Variants in COL4A2 observed in about 807,000 individuals in gnomAD.
COL4A2 encodes collagen type IV alpha 2 chain, also known as collagen alpha-2(IV) chain.
COL4A2 carries 99 observed loss-of-function variants against 200.2 expected under a neutral mutation model. The ratio of observed to expected loss-of-function variants is 0.49; its 90% CI spans 0.42 to 0.58. COL4A2 has a LOEUF of 0.58. Among genes scored for constraint, COL4A2 ranks in the 20% least tolerant of loss-of-function variants. COL4A2 has a pLI of 0.00. For missense variants in COL4A2, 1,950 were observed against 2,314.1 expected (o/e 0.84, Z 3.23); for synonymous variants, 897 against 900.6 (o/e 1.00, Z 0.07).
intron 3 of COL4A2, among the ~76,000 whole-genome samples, chr13:110,330,643 A>G (rs1875864254): frequency 6.6e-6 from 1 of 152,202 alleles, no homozygotes; most frequent in South Asian, 2.1e-4. Flanking sequence ...TCCTCTTGGA[A>G]ACGCTTCTCC....
chr13:110,491,902 C>T (rs1009936633), intron 37 of COL4A2, among the ~76,000 whole-genome samples, 168 bp from the exon 38 acceptor site: 2 of 152,228 alleles, frequency 1.3e-5, no homozygotes, highest in Admixed American at 6.5e-5. Flanking sequence ...GGTCTAAGAC[C>T]ACCTGCATCC....
chr13:110,323,124 A>C (rs1413997317), intron 3 of COL4A2, among the ~76,000 whole-genome samples: 1 of 152,206 alleles, frequency 6.6e-6, no homozygotes, highest in Non-Finnish European at 1.5e-5. Flanking sequence ...ATTCTATGAA[A>C]ACTTGCAGCT....
intron 16 of COL4A2, among the ~76,000 whole-genome samples, chr13:110,442,977 A>G (rs938641679): frequency 2.0e-4 from 30 of 150,022 alleles, no homozygotes; most frequent in African/African-American, 6.6e-4. Context: ...ATTGTCCTCT[A>G]TGAGGACTGT....
intron 3 of COL4A2, among the ~76,000 whole-genome samples, chr13:110,344,043 A>G (rs1876589807): frequency 1.3e-5 from 2 of 151,704 alleles, no homozygotes; most frequent in South Asian, 4.2e-4. Flanking sequence ...AGTGTAGATA[A>G]TGTGTGAGGT....
At chr13:110,476,937 G>T (rs908653559) in intron 29 of COL4A2, among the ~76,000 whole-genome samples, 2 of 152,206 alleles carry the variant, frequency 1.3e-5, no homozygotes, top group African/African-American at 4.8e-5. Context: ...CATGTGGAAA[G>T]CAAAATTAAA....
intron 4 of COL4A2, among the ~76,000 whole-genome samples, chr13:110,402,741 G>A (rs1020068423): frequency 2.0e-5 from 3 of 152,244 alleles, no homozygotes; most frequent in African/African-American, 4.8e-5. Flanking sequence ...CCACAACACT[G>A]CCCTTGTGGG....
At chr13:110,310,227 G>C (rs1241996355) in intron 3 of COL4A2, among the ~76,000 whole-genome samples, 1 of 152,144 alleles carries the variant, frequency 6.6e-6, no homozygotes, top group Non-Finnish European at 1.5e-5. Context: ...TGATTGCCCA[G>C]CAGAGCTTCT....
intron 17 of COL4A2, among the ~76,000 whole-genome samples, 167 bp downstream of exon 17, chr13:110,446,049 C>T (rs572522515): frequency 1.1e-4 from 17 of 152,290 alleles, no homozygotes; most frequent in African/African-American, 3.4e-4. Context: ...TGGTGACCTA[C>T]GAGCCACGTG....
chr13:110,498,355 G>A (rs894449188), intron 40 of COL4A2, among the ~76,000 whole-genome samples: 1 of 152,198 alleles, frequency 6.6e-6, no homozygotes, highest in Non-Finnish European at 1.5e-5. Flanking sequence ...TCACCTGAAA[G>A]GCATCTGGGA....
intron 4 of COL4A2, among the ~76,000 whole-genome samples, chr13:110,400,067 C>A (rs747329409): frequency 6.6e-6 from 1 of 151,642 alleles, no homozygotes; most frequent in Non-Finnish European, 1.5e-5. Flanking sequence ...GATTCCTGAA[C>A]TTTAACAAAG....
chr13:110,504,251 G>A lies in COL4A2; in HGVS notation c.4389G>A (p.Pro1463=), dbSNP rs902337058. ...AAGGACCCATAGGCCACCAGGGGCC[G>A]ATTGGCCAAGAAGGTGAGTGACAGT... The part of the protein sequence containing the change: ...GDEGPIGHQG[P]IGQEGAPGRP... Residue 1463 remains proline (P), a synonymous_variant, in exon 45 of 48, where the codon CCG becomes CCA. Coordinates refer to ENST00000360467, the MANE Select transcript of COL4A2 (RefSeq NM_001846.4). 3.7e-6 allele frequency: 6 copies of A among 1,613,344 alleles called. No homozygotes were observed. The highest frequency in any genetic ancestry group is 2.2e-5 in the East Asian group (1 of 44,884).
At chr13:110,423,770 A>T (rs1349637908) in intron 4 of COL4A2, among the ~76,000 whole-genome samples, 3 of 151,916 alleles carry the variant, frequency 2.0e-5, no homozygotes, top group African/African-American at 7.3e-5. Context: ...GTCTGTCTCC[A>T]TGGATTTGAG....
intron 4 of COL4A2, among the ~76,000 whole-genome samples, chr13:110,413,870 G>A (rs760223404): frequency 2.6e-5 from 4 of 152,224 alleles, no homozygotes; most frequent in African/African-American, 7.2e-5. Flanking sequence ...CGGTATTGCT[G>A]CATGCAGAGC....
chr13:110,482,768 C>A, intron 32 of COL4A2, 109 bp downstream of exon 32: 1 of 1,180,404 alleles, frequency 8.5e-7, no homozygotes, highest in Non-Finnish European at 1.2e-6. Flanking sequence ...CCCATGCATC[C>A]AGGAACCCTA....
At chr13:110,430,325 AACTCT>A (rs1351351572) in intron 8 of COL4A2, 71 bp from the exon 9 acceptor site, 49 of 1,575,300 alleles carry the variant, frequency 3.1e-5, no homozygotes, top group Non-Finnish European at 4.1e-5. Flanking sequence ...GCTTATTTCC[AACTCT>A]GCAATAAAAG....
chr13:110,330,394 C>T (rs1875852254), intron 3 of COL4A2, among the ~76,000 whole-genome samples: 1 of 151,744 alleles, frequency 6.6e-6, no homozygotes, highest in African/African-American at 2.4e-5. Flanking sequence ...AGCTGGGAGG[C>T]GCGGGGTGGA....
At chr13:110,342,575 G>A (rs775554832) in intron 3 of COL4A2, among the ~76,000 whole-genome samples, 16 of 152,148 alleles carry the variant, frequency 1.1e-4, no homozygotes, top group South Asian at 2.1e-4. Context: ...ACCTCTTCCC[G>A]TGGGTTAATC....
intron 29 of COL4A2, among the ~76,000 whole-genome samples, chr13:110,475,090 A>G (rs1394083019): frequency 6.6e-6 from 1 of 152,174 alleles, no homozygotes; most frequent in African/African-American, 2.4e-5. Context: ...ACACGTGCCT[A>G]TGCATGCTCA....
intron 4 of COL4A2, among the ~76,000 whole-genome samples, chr13:110,400,772 A>T (rs1283909420): frequency 6.6e-6 from 1 of 152,226 alleles, no homozygotes; most frequent in East Asian, 1.9e-4. Flanking sequence ...TCTGCTTCCT[A>T]TAGAGATTTC....
Sources: gnomAD v4.1 joint callset for allele counts (sites outside exome capture counted in the v4.1 genomes callset) on GRCh38, gnomAD v4.1.1 for gene constraint, MANE v1.5 for transcripts, NCBI Gene and HGNC (gene_info 2026-07-23, HGNC 2026-07-21) for gene names.